ATAD2B: variants seen among roughly 807,000 people sequenced by gnomAD.
ATAD2B encodes ATPase family AAA domain containing 2B.
A neutral mutation model predicts 167.6 loss-of-function variants in ATAD2B; 40 were observed. The observed-to-expected ratio is 0.24, with a 90% CI of 0.19 to 0.31. ATAD2B has a LOEUF of 0.31. Among genes scored for constraint, ATAD2B ranks in the 10% least tolerant of loss-of-function variants. The probability of loss-of-function intolerance (pLI) is 1.00; values close to 1 mark genes in which losing one functional copy is unlikely to be tolerated. For synonymous variants in ATAD2B, 579 were observed against 596.5 expected, an observed-to-expected ratio of 0.97 and a Z score of 0.43; for missense variants, 1,242 against 1,757.2, an observed-to-expected ratio of 0.71 and a Z score of 5.24.
At chr2:23,711,826 G>A in the ATAD2B span, among the ~76,000 whole-genome samples, 7 of 152,142 alleles carry the variant, frequency 4.6e-5, no homozygotes, top group Non-Finnish European at 8.8e-5. Context: ...CTAAAACTCT[G>A]GAATGGGTTA....
intron 13 of ATAD2B, among the ~76,000 whole-genome samples, chr2:23,836,158 TG>T (rs1689924322): frequency 6.6e-6 from 1 of 151,428 alleles, no homozygotes; most frequent in Admixed American, 6.6e-5. Flanking sequence ...CAGCAAGGGG[TG>T]TTTGAGAGAG....
intron 22 of ATAD2B, among the ~76,000 whole-genome samples, chr2:23,775,510 C>A (rs1678968533): frequency 6.6e-6 from 1 of 152,046 alleles, no homozygotes. Context: ...CCGTGCCCAG[C>A]CGGGTAGGTG....
In ATAD2B at chr2:23,788,503, A is replaced by C; in HGVS notation, c.2776+9T>G. 6.2e-7 allele frequency: 1 copy of C among 1,611,764 alleles called. No individual in the cohort carries two copies. The highest frequency in any genetic ancestry group is 8.5e-7 in the Non-Finnish European group (1 of 1,178,788). On this transcript the variant is annotated intron_variant, in intron 20 of 27. Transcript: ENST00000238789. ...CCTCCCATTTTCCTAAAGGCTTTACAAACTTTACCAGCATGTTTCCTTCGT... is the reference window on the plus strand; with the variant it reads ...CCTCCCATTTTCCTAAAGGCTTTACCAACTTTACCAGCATGTTTCCTTCGT...
the ATAD2B span, chr2:23,696,270 GC>G: frequency 5.9e-6 from 9 of 1,513,864 alleles, no homozygotes; most frequent in Admixed American, 1.6e-4. This position sits in a 1 kb window ranked among gnomAD's most constrained non-coding sequence, Gnocchi z 5.5. Context: ...CTGGGGCTGG[GC>G]CTGCTGACCC....
chr2:23,699,573 T>G, the ATAD2B span, among the ~76,000 whole-genome samples: 1 of 152,198 alleles, frequency 6.6e-6, no homozygotes, highest in Non-Finnish European at 1.5e-5. Context: ...CTGCCTCCTG[T>G]TGTCCTTTCT....
intron 2 of ATAD2B, 48 bp from the exon 3 acceptor site, chr2:23,888,447 T>C: frequency 8.4e-7 from 1 of 1,196,764 alleles, no homozygotes; most frequent in Non-Finnish European, 1.2e-6. Context: ...CATTTGCTTA[T>C]ATAAGCAAGA....
At chr2:23,678,560 T>TA in the ATAD2B span, among the ~76,000 whole-genome samples, 2 of 152,164 alleles carry the variant, frequency 1.3e-5, no homozygotes, top group African/African-American at 4.8e-5. Flanking sequence ...AGGCCTGACC[T>TA]AGATCTGCTG....
At chr2:23,684,135 G>C in the ATAD2B span, among the ~76,000 whole-genome samples, 1 of 151,990 alleles carries the variant, frequency 6.6e-6, no homozygotes, top group Non-Finnish European at 1.5e-5. The surrounding 1 kb of genome is among the most constrained non-coding windows in gnomAD (Gnocchi z 4.4). Flanking sequence ...CAATTTCTGG[G>C]TTTGATTTTT....
the ATAD2B span, chr2:23,696,213 C>T: frequency 4.7e-6 from 7 of 1,492,776 alleles, no homozygotes; most frequent in East Asian, 2.5e-5. The surrounding 1 kb of genome is among the most constrained non-coding windows in gnomAD (Gnocchi z 5.5). Flanking sequence ...CTGAGGAAGG[C>T]CATGGCCCAG....
At chr2:23,698,458 A>G in the ATAD2B span, among the ~76,000 whole-genome samples, 6 of 152,214 alleles carry the variant, frequency 3.9e-5, no homozygotes, top group Admixed American at 2.0e-4. Context: ...TCAGGGTGAC[A>G]GGAAGGTCAG....
At chr2:23,783,437 T>C (rs886192523) in intron 21 of ATAD2B, among the ~76,000 whole-genome samples, 1 of 152,132 alleles carries the variant, frequency 6.6e-6, no homozygotes, top group Non-Finnish European at 1.5e-5. Flanking sequence ...GTTATTCTGA[T>C]AAATCTCTTT....
chr2:23,687,984 C>T, the ATAD2B span, among the ~76,000 whole-genome samples: 5 of 152,228 alleles, frequency 3.3e-5, no homozygotes, highest in Middle Eastern at 3.4e-3. Context: ...CTTGGCTGCC[C>T]CCCATGGCCA....
chr2:23,778,000 A>T (rs1679423881), intron 22 of ATAD2B, among the ~76,000 whole-genome samples: 1 of 152,200 alleles, frequency 6.6e-6, no homozygotes, highest in South Asian at 2.1e-4. Flanking sequence ...TGTAAAAGAG[A>T]ACACTGTAAG....
the ATAD2B span, chr2:23,696,807 T>G: frequency 3.1e-6 from 1 of 325,404 alleles, no homozygotes; most frequent in Non-Finnish European, 5.6e-6. This position sits in a 1 kb window ranked among gnomAD's most constrained non-coding sequence, Gnocchi z 5.5. Flanking sequence ...CAAGATCCAG[T>G]TGCAGAAGGC....
chr2:23,896,279 C>T (rs924070557), intron 1 of ATAD2B, among the ~76,000 whole-genome samples: 1 of 150,934 alleles, frequency 6.6e-6, no homozygotes, highest in Non-Finnish European at 1.5e-5. Context: ...GAGCCGAGAT[C>T]ATGCCAGTGC....
At chr2:23,878,041 C>A (rs375219903) in intron 7 of ATAD2B, among the ~76,000 whole-genome samples, 3,129 of 67,916 alleles carry the variant, frequency 0.046, 20 homozygotes, top group Non-Finnish European at 0.058. Flanking sequence ...AAAAAAAAAG[C>A]AAAATGTATA....
chr2:23,861,882 A>T (rs1373651159), intron 12 of ATAD2B, among the ~76,000 whole-genome samples: 1 of 152,186 alleles, frequency 6.6e-6, no homozygotes, highest in Non-Finnish European at 1.5e-5. Flanking sequence ...TAAATCTAGC[A>T]GTTTTTGATA....
intron 12 of ATAD2B, among the ~76,000 whole-genome samples, chr2:23,858,879 A>G (rs534094104): frequency 1.3e-5 from 2 of 152,306 alleles, no homozygotes; most frequent in African/African-American, 4.8e-5. Flanking sequence ...GCTGTTTTCA[A>G]TATTTTCCTA....
the ATAD2B span, among the ~76,000 whole-genome samples, chr2:23,686,084 T>C: frequency 6.6e-6 from 1 of 152,000 alleles, no homozygotes; most frequent in African/African-American, 2.4e-5. Context: ...AGTGAAGGCT[T>C]CTTGGGCTGA....
Sources: gnomAD v4.1 joint callset for allele counts (sites outside exome capture counted in the v4.1 genomes callset) on GRCh38, gnomAD v4.1.1 for gene constraint, Gnocchi (gnomAD v3.1) non-coding constraint, MANE v1.5 for transcripts, NCBI Gene and HGNC (gene_info 2026-07-23, HGNC 2026-07-21) for gene names.